The following TGFBR3 variants were observed in gnomAD, a reference collection of about 807,000 sequenced individuals.
TGFBR3 encodes the protein transforming growth factor beta receptor type 3.
A neutral mutation model predicts 87.9 loss-of-function variants in TGFBR3; 46 were observed. The observed-to-expected ratio is 0.52, with a 90% confidence interval of 0.41 to 0.67. The LOEUF (loss-of-function observed/expected upper bound fraction) is 0.67, where lower values mean the gene tolerates loss of function less well. Among genes scored for constraint, TGFBR3 ranks in the 30% least tolerant of loss-of-function variants. TGFBR3 has a pLI of 0.00. For missense variants in TGFBR3, 866 were observed against 1,041.9 expected (o/e 0.83, Z 2.32); for synonymous variants, 381 against 391.6 (o/e 0.97, Z 0.32).
chr1:91,890,654 G>A (rs1192283859), upstream of TGFBR3, among the ~76,000 whole-genome samples: 2 of 151,310 alleles, frequency 1.3e-5, no homozygotes, highest in African/African-American at 4.9e-5. Flanking sequence ...TCCTGACCTC[G>A]TGATCCACCT....
chr1:91,737,810 C>A (rs1381133914), intron 4 of TGFBR3, among the ~76,000 whole-genome samples: 1 of 152,066 alleles, frequency 6.6e-6, no homozygotes, highest in South Asian at 2.1e-4. Flanking sequence ...AAGACGGTGT[C>A]GGGACAAGAT....
chr1:91,759,168 C>T (rs1324345095), intron 3 of TGFBR3, among the ~76,000 whole-genome samples: 1 of 152,056 alleles, frequency 6.6e-6, no homozygotes, highest in Non-Finnish European at 1.5e-5. Context: ...CTCTGGATCT[C>T]CAGAGAAATG....
chr1:91,791,849 T>C (rs1209306815), intron 3 of TGFBR3, among the ~76,000 whole-genome samples: 1 of 152,152 alleles, frequency 6.6e-6, no homozygotes, highest in East Asian at 1.9e-4. Flanking sequence ...ACCAAACAAG[T>C]GCCTGGCAGG....
intron 2 of TGFBR3, among the ~76,000 whole-genome samples, chr1:91,852,652 C>G (rs771766882): frequency 4.6e-5 from 7 of 152,252 alleles, no homozygotes; most frequent in Non-Finnish European, 8.8e-5. Context: ...CCGCAACCTC[C>G]GCCTCCCAGG....
intron 2 of TGFBR3, chr1:91,899,587 TG>T (rs1416951486): frequency 6.6e-6 from 1 of 152,092 alleles, no homozygotes; most frequent in African/African-American, 2.4e-5. Flanking sequence ...CAAAATAAAA[TG>T]CTTTTTATGC....
At chr1:91,792,270 A>C (rs996452504) in intron 3 of TGFBR3, among the ~76,000 whole-genome samples, 1 of 152,116 alleles carries the variant, frequency 6.6e-6, no homozygotes, top group African/African-American at 2.4e-5. Context: ...CTGGAGGCTC[A>C]TCCCAAATCC....
chr1:91,886,295 C>G (rs1468686026), upstream of TGFBR3: 1 of 395,870 alleles, frequency 2.5e-6, no homozygotes, highest in Non-Finnish European at 5.0e-6. Context: ...CCCAGAAACT[C>G]CTCCTCCCGC....
intron 7 of TGFBR3, among the ~76,000 whole-genome samples, chr1:91,726,827 T>C (rs1020285768): frequency 7.0e-6 from 1 of 143,248 alleles, no homozygotes; most frequent in Non-Finnish European, 1.5e-5. Context: ...TTTGAGCCCA[T>C]AGAAGAGATA....
intron 8 of TGFBR3, among the ~76,000 whole-genome samples, chr1:91,720,493 G>C (rs1308190932): frequency 6.6e-6 from 1 of 152,208 alleles, no homozygotes; most frequent in Non-Finnish European, 1.5e-5. Flanking sequence ...TAAGTGGTTG[G>C]AAATGATCAG....
In TGFBR3 at chr1:91,727,812, A is replaced by T; in HGVS notation, c.738-6T>A. On this transcript the variant is annotated splice_region_variant and splice_polypyrimidine_tract_variant and intron_variant, in intron 6 of 16. Coordinates refer to ENST00000212355, the MANE Select transcript of TGFBR3 (RefSeq NM_003243.5). Reference sequence around the variant, plus strand: ...TTATATCCACCTGGAAAGCACTGTGAATGGAAGACAAAGGCAAAGTTAAGA... The same window carrying T: ...TTATATCCACCTGGAAAGCACTGTGTATGGAAGACAAAGGCAAAGTTAAGA... The T allele has an allele frequency of 6.2e-7, 1 of 1,613,700 alleles. No individual in the cohort carries two copies. Among genetic ancestry groups the T allele is most frequent in the African/African-American group, 1.3e-5 (1 of 75,048 alleles).
At chr1:91,886,206 G>C (rs1679302508), upstream of TGFBR3, 1 of 452,422 alleles carries the variant, frequency 2.2e-6, no homozygotes, top group Non-Finnish European at 4.4e-6. Context: ...ACGCGGGCGG[G>C]GACGGGCAGG....
chr1:91,722,198 G>T lies in TGFBR3; in HGVS notation c.886-54C>A, dbSNP rs546080707. ...GAGTCTAAAATTAAACAGTACTTTA[G>T]ATAATAAAAATTAAATATCTTAAAT... On this transcript the variant is annotated intron_variant, in intron 7 of 16. Coordinates refer to ENST00000212355, the MANE Select transcript of TGFBR3 (RefSeq NM_003243.5). The T allele has an allele frequency of 2.9e-6, 4 of 1,396,696 alleles. No homozygotes were observed. The South Asian group carries it at 3.7e-5, about 13-fold the overall frequency. The allele number at this position is 1,396,696 out of a possible 1,614,324, so 86.5% of individuals were successfully genotyped here.
intron 2 of TGFBR3, among the ~76,000 whole-genome samples, chr1:91,894,017 A>G (rs972831267): frequency 4.6e-5 from 7 of 151,520 alleles, no homozygotes; most frequent in Non-Finnish European, 1.0e-4. Flanking sequence ...ATCACTCTAC[A>G]GGAGGTTGAT....
intron 12 of TGFBR3, among the ~76,000 whole-genome samples, chr1:91,712,871 G>C (rs1557670874): frequency 6.6e-6 from 1 of 152,152 alleles, no homozygotes; most frequent in Non-Finnish European, 1.5e-5. Flanking sequence ...CATTTAAAGT[G>C]GATTTTCCGA....
intron 1 of TGFBR3, among the ~76,000 whole-genome samples, chr1:91,862,217 AGGTGCAC>A (rs1273020763): frequency 2.0e-5 from 3 of 152,176 alleles, no homozygotes; most frequent in African/African-American, 7.2e-5. Context: ...AAGAAAATCA[AGGTGCAC>A]CTGAAATATA....
At chr1:91,762,166 G>A (rs968302531) in intron 3 of TGFBR3, among the ~76,000 whole-genome samples, 13 of 152,300 alleles carry the variant, frequency 8.5e-5, no homozygotes, top group African/African-American at 3.1e-4. Flanking sequence ...GACCAGTCTC[G>A]AAACCACTGG....
rs1675430954 is a variant in TGFBR3 at position 91,797,367 on chromosome 1, C to T, written c.166G>A (p.Gly56Ser). The change falls in exon 3 of 17, where the codon GGC becomes AGC. Residue 56 changes from glycine to serine, a missense_variant. By Grantham distance (56) the Gly-to-Ser change is moderately conservative. Coordinates refer to ENST00000212355, the MANE Select transcript of TGFBR3 (RefSeq NM_003243.5). ...ACCTCCTGTGGCAGCCCAGTTGTGC[C>T]TCTGCTGGCACAGCCTGACAAAACA... ...FTVLSGCASR[G>S]TTGLPQEVHV... is the part of the protein sequence containing the mutation. 6.2e-7 allele frequency: 1 copy of T among 1,614,120 alleles called. No individual in the cohort carries two copies. The highest frequency in any genetic ancestry group is 8.5e-7 in the Non-Finnish European group (1 of 1,180,048).
intron 2 of TGFBR3, among the ~76,000 whole-genome samples, chr1:91,833,007 CAAA>C (rs1394507596): frequency 1.0e-5 from 1 of 98,872 alleles, no homozygotes; most frequent in Admixed American, 1.2e-4. Flanking sequence ...GAATCTGTCT[CAAA>C]AAAAAAAAAA....
At chr1:91,871,681 C>T (rs547405839) in intron 1 of TGFBR3, among the ~76,000 whole-genome samples, 2 of 152,198 alleles carry the variant, frequency 1.3e-5, no homozygotes, top group Admixed American at 6.5e-5. Flanking sequence ...AAGGAAAAAC[C>T]TCCCAGGCAG....
Sources: allele counts gnomAD v4.1 joint callset (sites outside exome capture counted in the v4.1 genomes callset), GRCh38; gene constraint gnomAD v4.1.1; transcripts MANE v1.5; gene names NCBI Gene and HGNC (gene_info 2026-07-23, HGNC 2026-07-21).